ENTHD1: variants seen among roughly 807,000 people sequenced by gnomAD.
ENTHD1 encodes ENTH domain-containing protein 1.
In ENTHD1, 23 loss-of-function variants were observed where a neutral mutation model predicts 39.1. That is an observed-to-expected ratio of 0.59 (90% CI 0.42 to 0.83). The LOEUF (loss-of-function observed/expected upper bound fraction) is 0.83. Among genes scored for constraint, ENTHD1 ranks in the 40% least tolerant of loss-of-function variants. ENTHD1 has a pLI of 0.00. For missense variants in ENTHD1, 624 were observed against 705.4 expected, an observed-to-expected ratio of 0.88 and a Z score of 1.31; for synonymous variants, 230 against 258.2, an observed-to-expected ratio of 0.89 and a Z score of 1.05.
chr22:39,847,162 C>T (rs1429577890), intron 3 of ENTHD1, among the ~76,000 whole-genome samples: 3 of 151,716 alleles, frequency 2.0e-5, no homozygotes, highest in Non-Finnish European at 4.4e-5. Flanking sequence ...AAATGTGGCA[C>T]ATATACACCA....
intron 6 of ENTHD1, chr22:39,750,940 C>T (rs181051410): frequency 3.9e-5 from 6 of 154,656 alleles, no homozygotes; most frequent in Non-Finnish European, 7.3e-5. Context: ...TAGTCATCAT[C>T]CAAAAAGCCA....
rs968324154 is a variant in ENTHD1, at chr22:39,766,062, A to G, written c.833-453T>C. Reference sequence around the variant, plus strand: ...AAAAAAAAAAAAAGAAAGAAAAAGAAAAGCTTTCTCCCCAAAAATAAAGAA... The same window carrying G: ...AAAAAAAAAAAAAGAAAGAAAAAGAGAAGCTTTCTCCCCAAAAATAAAGAA... On this transcript the variant is annotated intron_variant, in intron 5 of 6. Transcript: ENST00000325157. 3.3e-5 allele frequency among the ~76,000 whole-genome samples: 5 copies of G among 151,172 alleles called. No homozygotes were observed. In the East Asian group the frequency reaches 9.6e-4, roughly 29 times the overall value.
Position 39,786,694 on chromosome 22 carries a change from A to T in ENTHD1, c.833-21085T>A, listed in dbSNP as rs142512278. On this transcript the variant is annotated intron_variant, in intron 5 of 6. Coordinates refer to ENST00000325157, the MANE Select transcript of ENTHD1 (RefSeq NM_152512.4). ...ATACACTTTAACCAACATCTCTCCAATCCCCTCACCACCCAGCCCCTGGCA... is the reference window on the plus strand; with the variant it reads ...ATACACTTTAACCAACATCTCTCCATTCCCCTCACCACCCAGCCCCTGGCA... 2.4e-4 allele frequency among the ~76,000 whole-genome samples: 37 copies of T among 152,072 alleles called. No individual in the cohort carries two copies. The East Asian group carries it at 7.2e-3, about 29-fold the overall frequency.
At chr22:39,782,843 G>A (rs1601591037) in intron 5 of ENTHD1, among the ~76,000 whole-genome samples, 1 of 152,118 alleles carries the variant, frequency 6.6e-6, no homozygotes, top group Non-Finnish European at 1.5e-5. Context: ...GGGAAAAATT[G>A]AAGGCCTTAC....
intron 5 of ENTHD1, among the ~76,000 whole-genome samples, chr22:39,773,171 C>A (rs1601584773): frequency 6.8e-6 from 1 of 146,644 alleles, no homozygotes; most frequent in East Asian, 2.0e-4. Flanking sequence ...AAAGAACTGG[C>A]CAAATCCAAC....
At chr22:39,864,479 G>A (rs1294308109) in intron 2 of ENTHD1, among the ~76,000 whole-genome samples, 1 of 151,714 alleles carries the variant, frequency 6.6e-6, no homozygotes, top group African/African-American at 2.4e-5. Flanking sequence ...TTTCACATTC[G>A]CATTTATCAT....
chr22:39,839,917 T>C (rs1441012893), intron 3 of ENTHD1, among the ~76,000 whole-genome samples: 1 of 152,228 alleles, frequency 6.6e-6, no homozygotes, highest in Admixed American at 6.5e-5. Context: ...ATAGCCTAAA[T>C]GTAGTAAACC....
chr22:39,772,257 C>T (rs540740379), intron 5 of ENTHD1, among the ~76,000 whole-genome samples: 168 of 152,174 alleles, frequency 1.1e-3, no homozygotes, highest in African/African-American at 3.5e-3. Context: ...AATCTAATGC[C>T]GCTGCTGATC....
intron 5 of ENTHD1, among the ~76,000 whole-genome samples, chr22:39,769,008 G>A (rs771424303): frequency 6.6e-6 from 1 of 150,914 alleles, no homozygotes; most frequent in African/African-American, 2.4e-5. Context: ...TTGTGTATAT[G>A]TACATATATA....
chr22:39,767,507 T>C (rs1489547472), intron 5 of ENTHD1, among the ~76,000 whole-genome samples: 1 of 152,100 alleles, frequency 6.6e-6, no homozygotes, highest in Non-Finnish European at 1.5e-5. Flanking sequence ...AATATATTCC[T>C]AGTTGAGTAC....
chr22:39,802,303 C>T (rs1681116560), intron 5 of ENTHD1, among the ~76,000 whole-genome samples: 1 of 152,142 alleles, frequency 6.6e-6, no homozygotes, highest in Non-Finnish European at 1.5e-5. Flanking sequence ...TCAGAGAAAA[C>T]CGTCTGTTTT....
intron 5 of ENTHD1, among the ~76,000 whole-genome samples, chr22:39,784,699 G>A (rs1481314496): frequency 6.6e-6 from 1 of 152,090 alleles, no homozygotes; most frequent in Non-Finnish European, 1.5e-5. Flanking sequence ...AATATCTCAT[G>A]TTCTCACTCA....
intron 4 of ENTHD1, among the ~76,000 whole-genome samples, chr22:39,829,901 G>A (rs769915958): frequency 1.3e-5 from 2 of 151,692 alleles, no homozygotes; most frequent in African/African-American, 4.8e-5. Flanking sequence ...GTCTCACTAC[G>A]TTGCCTAGGT....
intron 2 of ENTHD1, among the ~76,000 whole-genome samples, chr22:39,883,151 A>G (rs994463309): frequency 1.3e-5 from 2 of 151,886 alleles, no homozygotes; most frequent in Non-Finnish European, 2.9e-5. Flanking sequence ...TTGCTAATGT[A>G]CCTTCCATAA....
At chr22:39,770,109 G>C (rs2065310334) in intron 5 of ENTHD1, among the ~76,000 whole-genome samples, 1 of 152,142 alleles carries the variant, frequency 6.6e-6, no homozygotes. Flanking sequence ...ATGCTGAGTA[G>C]GCAATGGATG....
At chr22:39,769,082 A>G (rs2065301772) in intron 5 of ENTHD1, among the ~76,000 whole-genome samples, 2 of 152,086 alleles carry the variant, frequency 1.3e-5, no homozygotes. Flanking sequence ...ACATATATAC[A>G]CACACAAACT....
intron 1 of ENTHD1, among the ~76,000 whole-genome samples, chr22:39,890,015 T>C (rs1307530849): frequency 6.6e-6 from 1 of 151,726 alleles, no homozygotes; most frequent in East Asian, 1.9e-4. Context: ...TAAGAATCAC[T>C]GGAACCTGGG....
intron 5 of ENTHD1, among the ~76,000 whole-genome samples, chr22:39,814,256 C>T (rs1367610944): frequency 6.9e-6 from 1 of 145,450 alleles, no homozygotes; most frequent in African/African-American, 2.6e-5. Context: ...TCCAGGAGTT[C>T]GAGACCAGCC....
chr22:39,795,017 G>A (rs570805416), intron 5 of ENTHD1, among the ~76,000 whole-genome samples: 1 of 152,146 alleles, frequency 6.6e-6, no homozygotes, highest in South Asian at 2.1e-4. Context: ...CATCTATTAA[G>A]ATAATAATAT....
Sources: gnomAD v4.1 joint callset for allele counts (sites outside exome capture counted in the v4.1 genomes callset) on GRCh38, gnomAD v4.1.1 for gene constraint, MANE v1.5 for transcripts, NCBI Gene and HGNC (gene_info 2026-07-23, HGNC 2026-07-21) for gene names.